AFF2: variants seen among roughly 807,000 people sequenced by gnomAD.
The protein encoded by AFF2 is AF4/FMR2 family member 2.
A neutral mutation model predicts 76.9 loss-of-function variants in AFF2; 14 were observed. That is an observed-to-expected ratio of 0.18 (90% CI 0.12 to 0.28). The LOEUF is 0.28. Ranked by LOEUF, AFF2 falls within the 10% of genes least tolerant of loss-of-function variation. AFF2 has a pLI of 1.00. For synonymous variants in AFF2, 398 were observed against 366.7 expected (o/e 1.09, Z -0.98); for missense variants, 868 against 1,001.1 (o/e 0.87, Z 1.79).
intron 9 of AFF2, among the ~76,000 whole-genome samples, chrX:148,912,209 G>C (rs782731585): frequency 1.8e-4 from 20 of 112,045 alleles, no homozygotes; most frequent in Non-Finnish European, 3.6e-4. Flanking sequence ...GAACATGCAG[G>C]TTTGTTACAT....
In AFF2 at chrX:148,598,367, G is replaced by A. The variant is rs140814388; in HGVS notation, c.48-53632G>A. ...TAGTTCTGGCTCTGAGACATGGTTC[G>A]TCCCCTTCCCCCTCCCCATAAATGA... is the stretch of plus-strand genomic sequence containing the variant. On this transcript the variant is annotated intron_variant, in intron 1 of 20. Coordinates refer to ENST00000370460, the MANE Select transcript of AFF2 (RefSeq NM_002025.4). Among the ~76,000 whole-genome samples the A allele has an allele frequency of 3.4e-3, 375 of 111,171 alleles. 1 individual carries two copies. Among genetic ancestry groups the A allele is most frequent in the African/African-American group, 0.011 (346 of 30,549 alleles).
chrX:148,987,360 T>G lies in AFF2; in HGVS notation c.3624-7T>G. 1 of 1,203,136 alleles carries G rather than the reference T, an allele frequency of 8.3e-7. No homozygotes were observed. Among genetic ancestry groups the G allele is most frequent in the Non-Finnish European group, 1.1e-6 (1 of 890,173 alleles). ...CCTAACAAGGCTTGTCTCTTTCCAT[T>G]TCCCAGGAACACTCCATCCCCAGTG... On this transcript the variant is annotated splice_region_variant and splice_polypyrimidine_tract_variant and intron_variant, in intron 19 of 20. Coordinates refer to ENST00000370460, the MANE Select transcript of AFF2 (RefSeq NM_002025.4).
At chrX:148,697,468 G>C (rs1396987179) in intron 3 of AFF2, among the ~76,000 whole-genome samples, 1 of 111,249 alleles carries the variant, frequency 9.0e-6, no homozygotes, top group Non-Finnish European at 1.9e-5. Flanking sequence ...TTGCCTTTAT[G>C]TCCTGCTACT....
intron 1 of AFF2, among the ~76,000 whole-genome samples, chrX:148,615,912 G>A (rs1280731860): frequency 9.0e-6 from 1 of 111,332 alleles, no homozygotes; most frequent in Non-Finnish European, 1.9e-5. Context: ...CCTACATTAA[G>A]GCTCTGTGTA....
chrX:148,770,566 A>G (rs2069574475), intron 3 of AFF2, among the ~76,000 whole-genome samples: 1 of 111,486 alleles, frequency 9.0e-6, no homozygotes, highest in African/African-American at 3.3e-5. Flanking sequence ...AAATCACATA[A>G]TAAGTGATAT....
intron 9 of AFF2, among the ~76,000 whole-genome samples, chrX:148,909,719 G>A (rs868934373): frequency 1.8e-5 from 2 of 111,657 alleles, no homozygotes; most frequent in Non-Finnish European, 3.8e-5. Context: ...AGGGAAACCT[G>A]GTCTATTTCT....
intron 3 of AFF2, among the ~76,000 whole-genome samples, chrX:148,736,601 C>T (rs1174569225): frequency 1.8e-5 from 2 of 111,588 alleles, no homozygotes; most frequent in Non-Finnish European, 3.8e-5. Context: ...TTTTGCCATG[C>T]AAAAGCTCTC....
Position 148,767,910 on chromosome X carries a change from C to T in AFF2, c.1042-41966C>T, listed in dbSNP as rs185840218. On this transcript the variant is annotated intron_variant, in intron 3 of 20. Transcript: ENST00000370460. ...TGGGAAGTACGTCAGGATAACCAGG[C>T]CCATTGTATGGAAGGCATAATTGTA... Among the ~76,000 whole-genome samples, 88 of 110,919 alleles carry T rather than the reference C, an allele frequency of 7.9e-4. 1 individual carries two copies. Among genetic ancestry groups the T allele is most frequent in the East Asian group, 4.9e-3 (17 of 3,470 alleles).
intron 1 of AFF2, among the ~76,000 whole-genome samples, chrX:148,603,144 A>T (rs1346855151): frequency 2.7e-5 from 3 of 111,532 alleles, no homozygotes; most frequent in African/African-American, 9.8e-5. Flanking sequence ...GGAAAAGTAA[A>T]TTCTACACTA....
chrX:148,581,589 C>G (rs1050888282), intron 1 of AFF2, among the ~76,000 whole-genome samples: 1 of 88,494 alleles, frequency 1.1e-5, no homozygotes, highest in Non-Finnish European at 2.3e-5. Flanking sequence ...CGTGTACACA[C>G]ATATATACGT....
chrX:148,899,151 T>A (rs1004204899), intron 8 of AFF2, among the ~76,000 whole-genome samples: 6 of 112,322 alleles, frequency 5.3e-5, no homozygotes, highest in African/African-American at 1.9e-4. Flanking sequence ...GTCCTCTTAA[T>A]CTGCCACCCT....
intron 8 of AFF2, among the ~76,000 whole-genome samples, chrX:148,903,833 C>G (rs2071380465): frequency 9.0e-6 from 1 of 111,473 alleles, no homozygotes; most frequent in African/African-American, 3.3e-5. Flanking sequence ...CATGACCATT[C>G]CGTCTGCATC....
At chrX:148,678,880 G>A (rs782614252) in intron 3 of AFF2, among the ~76,000 whole-genome samples, 1 of 111,642 alleles carries the variant, frequency 9.0e-6, no homozygotes, top group East Asian at 2.8e-4. Flanking sequence ...AGCCTTTAGA[G>A]TTTTAGAGTT....
intron 7 of AFF2, among the ~76,000 whole-genome samples, chrX:148,881,620 C>T (rs2071097375): frequency 9.0e-6 from 1 of 111,464 alleles, no homozygotes; most frequent in East Asian, 2.8e-4. Context: ...ACTTTCCAAA[C>T]TCCTTTATAG....
intron 9 of AFF2, among the ~76,000 whole-genome samples, chrX:148,932,882 G>C (rs1311120374): frequency 8.9e-6 from 1 of 112,451 alleles, no homozygotes; most frequent in African/African-American, 3.2e-5. Flanking sequence ...CTAGGAACTA[G>C]AGATACAGCA....
At chrX:148,701,080 C>CATTTTGTGCACATGTGCACAATTT (rs1226116284) in intron 3 of AFF2, among the ~76,000 whole-genome samples, 1 of 107,865 alleles carries the variant, frequency 9.3e-6, no homozygotes, top group Non-Finnish European at 1.9e-5. Flanking sequence ...CATGTGCCCA[C>CATTTTGTGCACATGTGCACAATTT]ACCATTATGG....
intron 1 of AFF2, among the ~76,000 whole-genome samples, chrX:148,597,301 C>G (rs1292210354): frequency 2.7e-5 from 3 of 111,034 alleles, no homozygotes; most frequent in Non-Finnish European, 5.7e-5. Context: ...GTGGTAATCT[C>G]AAAAAGCCCA....
chrX:148,879,841 T>G (rs1448758953), intron 7 of AFF2, among the ~76,000 whole-genome samples: 1 of 111,606 alleles, frequency 9.0e-6, no homozygotes, highest in African/African-American at 3.2e-5. Flanking sequence ...TGCTTTGGGC[T>G]GAGGCCTTCA....
chrX:148,522,490 C>T (rs1320247791), intron 1 of AFF2, among the ~76,000 whole-genome samples: 2 of 112,402 alleles, frequency 1.8e-5, no homozygotes, highest in South Asian at 3.7e-4. Flanking sequence ...AAAGGCTTTG[C>T]GGGAAAACTT....
Sources: allele counts gnomAD v4.1 joint callset (sites outside exome capture counted in the v4.1 genomes callset), GRCh38; gene constraint gnomAD v4.1.1; transcripts MANE v1.5; gene names NCBI Gene and HGNC (gene_info 2026-07-23, HGNC 2026-07-21).